LPP: variants seen among roughly 807,000 people sequenced by gnomAD.
The protein encoded by LPP is LIM domain containing preferred translocation partner in lipoma, also known as lipoma-preferred partner.
Under a neutral mutation model 60.4 loss-of-function variants are expected in LPP, and 38 were observed. That is an observed-to-expected ratio of 0.63 (90% CI 0.49 to 0.83). LPP has a LOEUF of 0.83. LPP is among the 40% of genes least tolerant of loss of function. LPP has a pLI of 0.00. For synonymous variants in LPP, 328 were observed against 290.8 expected (o/e 1.13, Z -1.30); for missense variants, 902 against 783.6 (o/e 1.15, Z -1.80).
intron 3 of LPP, among the ~76,000 whole-genome samples, chr3:188,379,092 T>C (rs1003028405): frequency 4.7e-5 from 7 of 150,072 alleles, no homozygotes; most frequent in Non-Finnish European, 1.0e-4. Flanking sequence ...TTTTCTTTCT[T>C]TTTTTTTTTC....
Position 188,878,515 on chromosome 3 carries a change from T to C in LPP, c.*4036T>C, listed in dbSNP as rs905258958. 1.9e-5 allele frequency: 4 copies of C among 215,546 alleles called. No homozygotes were observed. Among genetic ancestry groups the C allele is most frequent in the African/African-American group, 6.8e-5 (3 of 44,440 alleles). 13.4% of individuals were successfully genotyped at this position (215,546 alleles called of 1,614,324 possible). On this transcript the variant is annotated 3_prime_UTR_variant, in exon 12 of 12. Coordinates refer to ENST00000617246, the MANE Select transcript of LPP (RefSeq NM_001375462.1). ...AATATGACAGCATGTTCCATACCCC[T>C]GCTTTAGCCATCTGTGGGAAACCAG...
intron 2 of LPP, among the ~76,000 whole-genome samples, chr3:188,233,466 C>G (rs1219268988): frequency 6.6e-6 from 1 of 152,164 alleles, no homozygotes; most frequent in South Asian, 2.1e-4. Flanking sequence ...TGGTTCAATG[C>G]CAACTGGTTT....
At chr3:188,185,623 C>T (rs1458078727) in intron 1 of LPP, among the ~76,000 whole-genome samples, 2 of 152,130 alleles carry the variant, frequency 1.3e-5, no homozygotes, top group African/African-American at 2.4e-5. Context: ...TGCCTTTGCC[C>T]GTGTAATTTC....
chr3:188,606,295 G>A (rs1299339541), intron 6 of LPP, among the ~76,000 whole-genome samples: 5 of 152,162 alleles, frequency 3.3e-5, no homozygotes, highest in Non-Finnish European at 7.3e-5. Context: ...AGAAGACCTA[G>A]TTGGTGTGTG....
Position 188,158,574 on chromosome 3 carries a change from A to G in LPP, c.-190+4322A>G, listed in dbSNP as rs914236643. Among the ~76,000 whole-genome samples, 40 of 152,152 alleles carry G rather than the reference A, an allele frequency of 2.6e-4. 1 individual carries two copies. The highest frequency in any genetic ancestry group is 8.8e-5 in the Non-Finnish European group (6 of 68,020). On this transcript the variant is annotated intron_variant, in intron 1 of 11. Coordinates refer to ENST00000617246, the MANE Select transcript of LPP (RefSeq NM_001375462.1). The stretch of plus-strand genomic sequence containing the variant: ...AGGTAAACCACAGAGTTGAGGCTGG[A>G]AAATGTTTCCTTTCCTATCATTCTT...
chr3:188,279,497 T>C (rs894055172), intron 2 of LPP, among the ~76,000 whole-genome samples: 6 of 152,236 alleles, frequency 3.9e-5, no homozygotes, highest in Non-Finnish European at 7.3e-5. Context: ...CTCACCTTCC[T>C]TTCTCTAGGA....
chr3:188,635,963 C>T (rs1848651670), intron 7 of LPP, among the ~76,000 whole-genome samples: 1 of 152,216 alleles, frequency 6.6e-6, no homozygotes, highest in African/African-American at 2.4e-5. Context: ...TACCCAATGC[C>T]TAGCCTAGAT....
At position 188,561,146 on chromosome 3, in the gene LPP, C is replaced by A. The variant is rs566568694; in HGVS notation, c.429+36359C>A. On this transcript the variant is annotated intron_variant, in intron 6 of 11. Coordinates refer to ENST00000617246, the MANE Select transcript of LPP (RefSeq NM_001375462.1). Reference sequence around the variant, plus strand: ...TTGAACTTTCAAACATTTTCTTAAGCCTGTAGGATCTACATTCTCTTCATT... The same window carrying A: ...TTGAACTTTCAAACATTTTCTTAAGACTGTAGGATCTACATTCTCTTCATT... 2.6e-5 allele frequency among the ~76,000 whole-genome samples: 4 copies of A among 152,166 alleles called. No individual in the cohort carries two copies. The South Asian group carries it at 6.2e-4, about 24-fold the overall frequency.
At chr3:188,157,807 G>T (rs150910411) in intron 1 of LPP, among the ~76,000 whole-genome samples, 1 of 152,110 alleles carries the variant, frequency 6.6e-6, no homozygotes, top group East Asian at 1.9e-4. Flanking sequence ...AGAGGGGGGT[G>T]TCTGAGCTGA....
chr3:188,423,515 C>T (rs1486122157), intron 4 of LPP, among the ~76,000 whole-genome samples: 4 of 152,122 alleles, frequency 2.6e-5, no homozygotes, highest in Middle Eastern at 3.2e-3. Context: ...CTTGAGGAAT[C>T]GCCACACTCT....
chr3:188,832,237 TTG>T (rs1165320231), intron 9 of LPP, among the ~76,000 whole-genome samples: 1 of 152,172 alleles, frequency 6.6e-6, no homozygotes, highest in Non-Finnish European at 1.5e-5. Context: ...GAGACTCTCC[TTG>T]ACAGCTTGAG....
chr3:188,653,253 A>G (rs985769155), intron 7 of LPP, among the ~76,000 whole-genome samples: 1 of 152,232 alleles, frequency 6.6e-6, no homozygotes, highest in African/African-American at 2.4e-5. Context: ...GAAAGGGGGC[A>G]TCACAGGACT....
chr3:188,240,303 A>G (rs1723689090), intron 2 of LPP: 2 of 165,284 alleles, frequency 1.2e-5, no homozygotes, highest in East Asian at 1.2e-4. Context: ...TTGCCTAACA[A>G]GGTTGTTGAC....
At chr3:188,613,826 G>T (rs1346838760) in intron 7 of LPP, among the ~76,000 whole-genome samples, 2 of 151,990 alleles carry the variant, frequency 1.3e-5, no homozygotes, top group Middle Eastern at 3.4e-3. Flanking sequence ...TGTAATTTCT[G>T]TTAAGATTAA....
At chr3:188,282,863 A>T (rs955887714) in intron 2 of LPP, among the ~76,000 whole-genome samples, 1 of 152,064 alleles carries the variant, frequency 6.6e-6, no homozygotes, top group African/African-American at 2.4e-5. Context: ...CTTGTATTCA[A>T]TGGGTGGTAT....
chr3:188,270,099 G>T (rs1471817244), intron 2 of LPP, among the ~76,000 whole-genome samples: 4 of 152,130 alleles, frequency 2.6e-5, no homozygotes, highest in African/African-American at 9.7e-5. Flanking sequence ...TATAGTGGTT[G>T]TTCGCAGGAA....
intron 2 of LPP, among the ~76,000 whole-genome samples, chr3:188,254,808 T>C (rs1335155829): frequency 1.3e-5 from 2 of 152,148 alleles, no homozygotes; most frequent in Non-Finnish European, 2.9e-5. Context: ...ATGGGCGCCC[T>C]CCTGCAGTGT....
chr3:188,280,421 G>C (rs779179500), intron 2 of LPP, among the ~76,000 whole-genome samples: 40 of 152,270 alleles, frequency 2.6e-4, no homozygotes, highest in Middle Eastern at 3.4e-3. Flanking sequence ...CATGGACCAC[G>C]AATGCCGCAT....
chr3:188,389,692 C>T (rs1433293356), intron 3 of LPP, among the ~76,000 whole-genome samples: 2 of 138,352 alleles, frequency 1.4e-5, no homozygotes, highest in East Asian at 4.7e-4. Flanking sequence ...AGGAGAATCA[C>T]TTGAACCCGG....
Sources: allele counts gnomAD v4.1 joint callset (sites outside exome capture counted in the v4.1 genomes callset), GRCh38; gene constraint gnomAD v4.1.1; transcripts MANE v1.5; gene names NCBI Gene and HGNC (gene_info 2026-07-23, HGNC 2026-07-21).